CFAP299: variants seen among roughly 807,000 people sequenced by gnomAD.
The protein encoded by CFAP299 is cilia and flagella associated protein 299.
In CFAP299, 21 loss-of-function variants were observed where a neutral mutation model predicts 27.0. The ratio of observed to expected loss-of-function variants is 0.78; its 90% CI spans 0.55 to 1.12. The LOEUF is 1.12. CFAP299 is among the 50% of genes most tolerant of loss of function. The pLI is 0.00. For missense variants in CFAP299, 310 were observed against 276.6 expected (o/e 1.12, Z -0.86); for synonymous variants, 104 against 98.1 (o/e 1.06, Z -0.36).
chr4:80,612,241 TC>T (rs1293025726), intron 3 of CFAP299, among the ~76,000 whole-genome samples: 1 of 152,036 alleles, frequency 6.6e-6, no homozygotes, highest in African/African-American at 2.4e-5. Context: ...TTTTCTTATC[TC>T]CTTCCTCTTC....
intron 2 of CFAP299, among the ~76,000 whole-genome samples, chr4:80,378,213 A>G (rs1350171806): frequency 4.6e-5 from 7 of 152,188 alleles, no homozygotes; most frequent in Non-Finnish European, 2.9e-5. Context: ...TAGAATTTTT[A>G]AAAGTCACTT....
At chr4:80,344,101 G>A (rs539132695) in intron 1 of CFAP299, among the ~76,000 whole-genome samples, 1 of 152,020 alleles carries the variant, frequency 6.6e-6, no homozygotes, top group East Asian at 1.9e-4. Context: ...AGTACCAAGA[G>A]CAAACAAACC....
At chr4:80,943,821 C>A (rs1737325200) in intron 4 of CFAP299, among the ~76,000 whole-genome samples, 1 of 152,066 alleles carries the variant, frequency 6.6e-6, no homozygotes, top group Admixed American at 6.6e-5. Flanking sequence ...GTAATCCCAA[C>A]ACTTTGGGAG....
intron 2 of CFAP299, among the ~76,000 whole-genome samples, chr4:80,570,330 C>A (rs1735522864): frequency 1.3e-5 from 2 of 151,618 alleles, no homozygotes; most frequent in African/African-American, 4.8e-5. Context: ...CCAATAAGAG[C>A]AAAAATACAA....
At chr4:80,864,042 TA>T (rs1732542412) in intron 3 of CFAP299, among the ~76,000 whole-genome samples, 1 of 152,016 alleles carries the variant, frequency 6.6e-6, no homozygotes, top group African/African-American at 2.4e-5. Flanking sequence ...ACAAATGTCA[TA>T]AGGGATCTCT....
intron 3 of CFAP299, among the ~76,000 whole-genome samples, chr4:80,774,707 A>G (rs1179562160): frequency 6.6e-6 from 1 of 152,048 alleles, no homozygotes; most frequent in South Asian, 2.1e-4. Flanking sequence ...CAAAATTAGT[A>G]ATGTGAAATC....
At chr4:80,364,976 T>C (rs1175028710) in intron 2 of CFAP299, among the ~76,000 whole-genome samples, 1 of 152,232 alleles carries the variant, frequency 6.6e-6, no homozygotes, top group African/African-American at 2.4e-5. Context: ...ATGGTATATA[T>C]GTACCATATT....
At chr4:80,703,986 T>A (rs928014899) in intron 3 of CFAP299, among the ~76,000 whole-genome samples, 3 of 151,724 alleles carry the variant, frequency 2.0e-5, no homozygotes, top group Non-Finnish European at 1.5e-5. Context: ...GCCTTAGGGA[T>A]GATTTTCTTT....
intron 2 of CFAP299, among the ~76,000 whole-genome samples, chr4:80,504,656 G>A (rs2110155720): frequency 6.8e-6 from 1 of 147,148 alleles, no homozygotes; most frequent in East Asian, 2.0e-4. Context: ...CTAGGATTTG[G>A]GGTTTTCTCA....
intron 4 of CFAP299, among the ~76,000 whole-genome samples, chr4:80,893,378 A>G (rs1169916286): frequency 6.6e-6 from 1 of 151,994 alleles, no homozygotes; most frequent in Admixed American, 6.6e-5. Flanking sequence ...CAAAATCCTA[A>G]AATTCATACA....
chr4:80,663,019 A>G (rs1740941955), intron 3 of CFAP299, among the ~76,000 whole-genome samples: 1 of 136,930 alleles, frequency 7.3e-6, no homozygotes, highest in Non-Finnish European at 1.7e-5. Flanking sequence ...CTGTTAAAGG[A>G]AAAAAAAAAA....
intron 2 of CFAP299, among the ~76,000 whole-genome samples, chr4:80,554,040 G>A (rs998860718): frequency 5.3e-5 from 8 of 151,970 alleles, no homozygotes; most frequent in African/African-American, 1.9e-4. Flanking sequence ...AATTGCTTTT[G>A]GCATCTTTGT....
At chr4:80,591,032 T>G (rs1443999403) in intron 3 of CFAP299, among the ~76,000 whole-genome samples, 1 of 151,476 alleles carries the variant, frequency 6.6e-6, no homozygotes, top group African/African-American at 2.4e-5. Context: ...TTAATCTTTC[T>G]TAATTTACTT....
At chr4:80,692,854 AAAAC>A (rs1262189825) in intron 3 of CFAP299, among the ~76,000 whole-genome samples, 11 of 152,166 alleles carry the variant, frequency 7.2e-5, no homozygotes, top group East Asian at 1.9e-4. Flanking sequence ...TTACAAGAAA[AAAAC>A]AAACAACCCC....
chr4:80,912,292 T>C (rs1735515722), intron 4 of CFAP299, among the ~76,000 whole-genome samples: 2 of 152,214 alleles, frequency 1.3e-5, no homozygotes, highest in African/African-American at 4.8e-5. Flanking sequence ...ACAGAATAGT[T>C]AGCCATCAAC....
chr4:80,407,458 G>A (rs1004034142), intron 2 of CFAP299, among the ~76,000 whole-genome samples: 3 of 152,166 alleles, frequency 2.0e-5, no homozygotes, highest in African/African-American at 7.2e-5. Flanking sequence ...CTTTGGCTGG[G>A]ATGACTCAAA....
intron 4 of CFAP299, among the ~76,000 whole-genome samples, chr4:80,908,606 ACT>A (rs1327921801): frequency 1.3e-5 from 2 of 151,984 alleles, no homozygotes; most frequent in African/African-American, 4.8e-5. Flanking sequence ...CATTTCCTTC[ACT>A]CTGTTTCTCA....
chr4:80,650,995 T>A (rs1484925606), intron 3 of CFAP299, among the ~76,000 whole-genome samples: 3 of 152,112 alleles, frequency 2.0e-5, no homozygotes, highest in Admixed American at 6.6e-5. Flanking sequence ...CCACCTGTTC[T>A]CCAATAACCT....
Position 80,897,357 on chromosome 4 carries a change from C to T in CFAP299, c.476+27222C>T, listed in dbSNP as rs556569251. On this transcript the variant is annotated intron_variant, in intron 4 of 5. Coordinates refer to ENST00000358105, the MANE Select transcript of CFAP299 (RefSeq NM_152770.3). ...TTCAGCAATTGACAGGAATGGTTAG[C>T]TTCTCTTGGAATGCTTATATTCTGA... Among the ~76,000 whole-genome samples, 32 of 152,280 alleles carry T rather than the reference C, an allele frequency of 2.1e-4. No individual in the cohort carries two copies. The South Asian group carries it at 6.4e-3, about 31-fold the overall frequency.
Sources: gnomAD v4.1 joint callset for allele counts (sites outside exome capture counted in the v4.1 genomes callset) on GRCh38, gnomAD v4.1.1 for gene constraint, MANE v1.5 for transcripts, NCBI Gene and HGNC (gene_info 2026-07-23, HGNC 2026-07-21) for gene names.